The following TMC1 variants were observed in gnomAD, a reference collection of about 807,000 sequenced individuals.
TMC1 encodes the protein transmembrane channel like 1.
In TMC1, 84 loss-of-function variants were observed where a neutral mutation model predicts 105.8. The ratio of observed to expected loss-of-function variants is 0.79; its 90% confidence interval spans 0.67 to 0.95. The LOEUF (loss-of-function observed/expected upper bound fraction) is 0.95, where lower values mean the gene tolerates loss of function less well. TMC1 is among the 40% of genes least tolerant of loss of function. TMC1 has a pLI of 0.00. For missense variants in TMC1, 817 were observed against 914.1 expected (o/e 0.89, Z 1.37); for synonymous variants, 315 against 311.5 (o/e 1.01, Z -0.12).
At chr9:72,824,567 C>G (rs141974699) in intron 20 of TMC1, among the ~76,000 whole-genome samples, 136 of 152,262 alleles carry the variant, frequency 8.9e-4, no homozygotes, top group African/African-American at 3.2e-3. Context: ...TGTCTCTTCT[C>G]CAAAGTCAGG....
At chr9:72,707,587 G>A (rs1182324476) in intron 8 of TMC1, among the ~76,000 whole-genome samples, 2 of 152,118 alleles carry the variant, frequency 1.3e-5, no homozygotes, top group East Asian at 3.9e-4. Context: ...CATGACCTTA[G>A]CCCACTTTTT....
chr9:72,599,453 G>A (rs986523749), intron 2 of TMC1, among the ~76,000 whole-genome samples: 14 of 152,206 alleles, frequency 9.2e-5, no homozygotes, highest in African/African-American at 3.1e-4. Context: ...CAGTGGGTGA[G>A]CAGATCTCAG....
In TMC1 at chr9:72,581,880, G is replaced by C. The variant is rs116939758; in HGVS notation, c.-306+3857G>C. On this transcript the variant is annotated intron_variant, in intron 2 of 23. Coordinates refer to ENST00000297784, the MANE Select transcript of TMC1 (RefSeq NM_138691.3). ...GTTAGGTTGATGAGAATATTTTTGA[G>C]ATGACTAGCAGAAAACAGAATCATT... is the stretch of plus-strand genomic sequence containing the variant. Among the ~76,000 whole-genome samples the C allele has an allele frequency of 4.3e-3, 658 of 152,304 alleles. 3 individuals are homozygous for C. The highest frequency in any genetic ancestry group is 7.3e-3 in the Non-Finnish European group (498 of 68,032).
intron 17 of TMC1, among the ~76,000 whole-genome samples, chr9:72,792,759 G>A (rs1828296403): frequency 6.6e-6 from 1 of 152,138 alleles, no homozygotes; most frequent in Non-Finnish European, 1.5e-5. Context: ...AGTCTTGGGG[G>A]TGGCCAAGAC....
chr9:72,829,341 A>G (rs899778115), intron 21 of TMC1, among the ~76,000 whole-genome samples: 1 of 152,190 alleles, frequency 6.6e-6, no homozygotes, highest in Non-Finnish European at 1.5e-5. Flanking sequence ...GAGACTAGAA[A>G]AAGATTTGTG....
intron 1 of TMC1, among the ~76,000 whole-genome samples, chr9:72,539,830 A>C (rs986855539): frequency 6.6e-6 from 1 of 152,134 alleles, no homozygotes; most frequent in Non-Finnish European, 1.5e-5. Context: ...CTTTAAACGA[A>C]TACCGGAGGA....
intron 5 of TMC1, among the ~76,000 whole-genome samples, chr9:72,668,799 A>G (rs1010224431): frequency 3.3e-5 from 5 of 152,122 alleles, no homozygotes; most frequent in African/African-American, 2.4e-5. Flanking sequence ...TTTTCATGAT[A>G]TTTTATAATC....
At chr9:72,739,077 G>C (rs907295125) in intron 8 of TMC1, among the ~76,000 whole-genome samples, 2 of 152,212 alleles carry the variant, frequency 1.3e-5, no homozygotes, top group African/African-American at 4.8e-5. Context: ...AGACCGGGTG[G>C]CTTAAACAAC....
chr9:72,607,398 T>C (rs1824940662), intron 2 of TMC1, among the ~76,000 whole-genome samples: 1 of 142,966 alleles, frequency 7.0e-6, no homozygotes, highest in African/African-American at 2.6e-5. Context: ...GGTGGGAGGA[T>C]CACAAGGTCA....
chr9:72,738,882 T>C (rs1489955310), intron 8 of TMC1, among the ~76,000 whole-genome samples: 2 of 152,170 alleles, frequency 1.3e-5, no homozygotes, highest in East Asian at 3.8e-4. Flanking sequence ...TCTGTTTCTA[T>C]CATGACAGAG....
At chr9:72,544,841 G>A (rs1468426163) in intron 1 of TMC1, among the ~76,000 whole-genome samples, 3 of 145,218 alleles carry the variant, frequency 2.1e-5, no homozygotes, top group Non-Finnish European at 3.0e-5. Context: ...TTTTGGTTAC[G>A]TGAAAAGTTC....
intron 2 of TMC1, among the ~76,000 whole-genome samples, chr9:72,599,945 G>A: frequency 6.6e-6 from 1 of 152,214 alleles, no homozygotes; most frequent in Non-Finnish European, 1.5e-5. Context: ...ATTACTGCAA[G>A]AGATATGAAC....
At chr9:72,706,402 A>G (rs1375016919) in intron 8 of TMC1, among the ~76,000 whole-genome samples, 1 of 152,190 alleles carries the variant, frequency 6.6e-6, no homozygotes, top group African/African-American at 2.4e-5. Context: ...TTATATTTCC[A>G]TAAGTTTTTG....
rs779134204 is a variant in TMC1 at position 72,694,689 on chromosome 9, A to G, written c.211A>G (p.Arg71Gly). The G allele has an allele frequency of 1.9e-6, 3 of 1,610,986 alleles. No homozygotes were observed. Among genetic ancestry groups the G allele is most frequent in the Non-Finnish European group, 2.5e-6 (3 of 1,178,372 alleles). ...EETRKAREKE[R>G]RRRLKRGAEE... ...AACAAGGAAGGCAAGAGAAAAAGAG[A>G]GGAGGAGGAGGCTAAAGAGAGGAGC... Residue 71 changes from arginine to glycine, a missense_variant, in exon 7 of 24, where the codon AGG becomes GGG. Coordinates refer to ENST00000297784, the MANE Select transcript of TMC1 (RefSeq NM_138691.3).
intron 1 of TMC1, among the ~76,000 whole-genome samples, chr9:72,537,639 A>C (rs1460093837): frequency 1.3e-5 from 2 of 152,336 alleles, no homozygotes; most frequent in South Asian, 2.1e-4. Flanking sequence ...CATGTGCCCA[A>C]GGTAGTTTTG....
chr9:72,806,167 CG>C (rs1209480053), intron 18 of TMC1, among the ~76,000 whole-genome samples: 4 of 146,410 alleles, frequency 2.7e-5, no homozygotes, highest in Non-Finnish European at 1.5e-5. Flanking sequence ...GCTGGCCGGG[CG>C]GGGGGCTGAC....
At chr9:72,826,811 A>G (rs1454442475) in intron 20 of TMC1, 58 bp from the exon 21 acceptor site, 1 of 1,586,318 alleles carries the variant, frequency 6.3e-7, no homozygotes, top group East Asian at 2.2e-5. Context: ...TCTTGCTTTA[A>G]CCATGGTTTT....
chr9:72,755,605 G>A (rs1588067741), intron 12 of TMC1, among the ~76,000 whole-genome samples: 1 of 152,048 alleles, frequency 6.6e-6, no homozygotes, highest in African/African-American at 2.4e-5. Flanking sequence ...TCAAGTCTTC[G>A]ACAACAATGT....
chr9:72,806,393 G>A (rs1340482114), intron 18 of TMC1, among the ~76,000 whole-genome samples: 16 of 141,446 alleles, frequency 1.1e-4, no homozygotes, highest in African/African-American at 2.9e-4. Context: ...CTGGCCGGGC[G>A]GGGGGCTGAC....
Sources: allele counts gnomAD v4.1 joint callset (sites outside exome capture counted in the v4.1 genomes callset), GRCh38; gene constraint gnomAD v4.1.1; transcripts MANE v1.5; gene names NCBI Gene and HGNC (gene_info 2026-07-23, HGNC 2026-07-21).